The following DUOX1 variants were observed in gnomAD, a reference collection of about 807,000 sequenced individuals.
DUOX1 encodes the protein NADPH thyroid oxidase 1.
DUOX1 carries 134 observed loss-of-function variants against 181.8 expected under a neutral mutation model. The observed-to-expected ratio is 0.74, with a 90% CI of 0.64 to 0.85. The LOEUF is 0.85. DUOX1 is among the 40% of genes least tolerant of loss of function. The pLI is 0.00. For synonymous variants in DUOX1, 798 were observed against 832.5 expected, an observed-to-expected ratio of 0.96 and a Z score of 0.71; for missense variants, 1,814 against 2,064.4, an observed-to-expected ratio of 0.88 and a Z score of 2.35.
intron 16 of DUOX1, 71 bp downstream of exon 16, chr15:45,143,374 C>A: frequency 1.6e-6 from 2 of 1,273,844 alleles, no homozygotes; most frequent in Non-Finnish European, 1.1e-6. Context: ...CACCTCCACC[C>A]CAGCAGCCTA....
chr15:45,158,037 C>G (rs1897006477), intron 28 of DUOX1, among the ~76,000 whole-genome samples: 1 of 152,080 alleles, frequency 6.6e-6, no homozygotes, highest in Non-Finnish European at 1.5e-5. Flanking sequence ...GAAGGATGGC[C>G]AGGCTTCTGA....
chr15:45,135,718 A>T (rs1468331229), intron 6 of DUOX1, 43 bp downstream of exon 6: 2 of 1,437,414 alleles, frequency 1.4e-6, no homozygotes, highest in Admixed American at 5.4e-5. Context: ...GGGGTCTGCG[A>T]GTGTGGGCTC....
Position 45,143,270 on chromosome 15 carries a change from A to G in DUOX1, c.1903A>G (p.Ile635Val), listed in dbSNP as rs759529164. The change falls in exon 16 of 34, where the codon ATC (isoleucine) becomes GTC (valine). Residue 635 changes from isoleucine (I) to valine (V), a missense_variant. Coordinates refer to ENST00000389037, the MANE Select transcript of DUOX1 (RefSeq NM_175940.3). ...KRLQGQDRQS[I>V]VSEKLVGGME... is the part of the protein sequence containing the mutation. ...GCTCCAGGGCCAGGACCGCCAGAGC[A>G]TCGTGTCTGAGAAGCTCGTGGGAGG... 3.3e-5 allele frequency: 54 copies of G among 1,613,996 alleles called. No homozygotes were observed. Among genetic ancestry groups the G allele is most frequent in the Non-Finnish European group, 4.2e-5 (50 of 1,180,020 alleles).
chr15:45,150,015 G>C (rs1896762040), intron 21 of DUOX1, among the ~76,000 whole-genome samples: 1 of 152,132 alleles, frequency 6.6e-6, no homozygotes, highest in South Asian at 2.1e-4. Context: ...CTCAACTATA[G>C]ACCAGGGTCA....
In DUOX1 at chr15:45,160,914, T is replaced by C. The variant is rs763194266; in HGVS notation, c.3780T>C (p.Tyr1260=). ...TCTTCCTGGTCCCAGCAATCATCTA[T>C]GGGGGCGACAAGCTGGTGAGCCTGA... ...HIFFLVPAII[Y]GGDKLVSLSR... Residue 1260 remains tyrosine, a synonymous_variant, in exon 29 of 34, where the codon TAT becomes TAC. Coordinates refer to ENST00000389037, the MANE Select transcript of DUOX1 (RefSeq NM_175940.3). 1.9e-6 allele frequency: 3 copies of C among 1,614,000 alleles called. No homozygotes were observed. The highest frequency in any genetic ancestry group is 1.7e-6 in the Non-Finnish European group (2 of 1,179,936).
chr15:45,153,891 A>C (rs1377356763), intron 26 of DUOX1, 60 bp from the exon 27 acceptor site: 129 of 1,494,206 alleles, frequency 8.6e-5, no homozygotes, highest in Non-Finnish European at 1.1e-4. Context: ...TGCCTCAAAA[A>C]AAAAAAAAAG....
chr15:45,150,991 G>A (rs1385804630), intron 22 of DUOX1, 132 bp from the exon 23 acceptor site: 13 of 1,306,650 alleles, frequency 9.9e-6, no homozygotes, highest in African/African-American at 4.4e-5. Context: ...AGGTGACTGT[G>A]GGAATCCTGC....
chr15:45,136,436 G>C, intron 8 of DUOX1, 26 bp downstream of exon 8: 1 of 1,614,034 alleles, frequency 6.2e-7, no homozygotes. Flanking sequence ...AGGAGGATGG[G>C]AGGGCTTGCG....
chr15:45,153,605 T>C, intron 26 of DUOX1, 126 bp downstream of exon 26: 1 of 1,041,172 alleles, frequency 9.6e-7, no homozygotes, highest in Non-Finnish European at 1.5e-6. Flanking sequence ...GAGGAGACTG[T>C]CACCTTCTAG....
At chr15:45,150,133 A>G (rs775580795) in intron 21 of DUOX1, among the ~76,000 whole-genome samples, 2 of 152,224 alleles carry the variant, frequency 1.3e-5, no homozygotes, top group Non-Finnish European at 2.9e-5. Flanking sequence ...CTCAGCCTAG[A>G]CAGGAACAAT....
intron 25 of DUOX1, chr15:45,152,949 G>A (rs922649340): frequency 1.3e-5 from 4 of 314,428 alleles, no homozygotes; most frequent in East Asian, 8.3e-5. Flanking sequence ...AGGCCGGCGC[G>A]GCGGCTTATG....
chr15:45,164,255 CT>C (rs1245559245), intron 33 of DUOX1, among the ~76,000 whole-genome samples: 1 of 152,202 alleles, frequency 6.6e-6, no homozygotes, highest in Admixed American at 6.5e-5. Context: ...CTGAGGGAAC[CT>C]TTACCATGAG....
intron 27 of DUOX1, chr15:45,155,456 C>T (rs1896947310): frequency 8.3e-6 from 2 of 240,804 alleles, no homozygotes; most frequent in Non-Finnish European, 8.1e-6. Context: ...GTTCCAGCTA[C>T]TCAGGAGGCC....
At chr15:45,140,616 C>CA in intron 12 of DUOX1, 1 of 337,246 alleles carries the variant, frequency 3.0e-6, no homozygotes, top group African/African-American at 2.1e-5. Context: ...CTTCAACTTT[C>CA]ATACCTTTTC....
chr15:45,147,547 C>T lies in DUOX1; in HGVS notation c.2437C>T (p.Leu813Phe). 1 of 1,614,098 alleles carries T rather than the reference C, an allele frequency of 6.2e-7. No individual in the cohort carries two copies. The highest frequency in any genetic ancestry group is 1.1e-5 in the South Asian group (1 of 91,044). ...GGCCGAGTTTGCCGAGTCCCTGGGC[C>T]TCAAGCCCCAGGACATGTTTGTGGA... ...SRAEFAESLG[L>F]KPQDMFVESM... Residue 813 changes from leucine to phenylalanine, a missense_variant, in exon 19 of 34, where the codon CTC becomes TTC. Physicochemically the swap from Leu to Phe is conservative, Grantham distance 22 (BLOSUM62 0). Coordinates refer to ENST00000389037, the MANE Select transcript of DUOX1 (RefSeq NM_175940.3).
At position 45,162,322 on chromosome 15, in the gene DUOX1, T is replaced by A; in HGVS notation, c.4193T>A (p.Ile1398Asn). 1 of 1,614,108 alleles carries A rather than the reference T, an allele frequency of 6.2e-7. No homozygotes were observed. Among genetic ancestry groups the A allele is most frequent in the Non-Finnish European group, 8.5e-7 (1 of 1,180,002 alleles). ...ATTGGGGTCACCCCTTTTGCCTCCA[T>A]CCTCAAAGACCTGGTCTTCAAGTCA... ...GGIGVTPFAS[I>N]LKDLVFKSSV... Residue 1398 changes from isoleucine to asparagine, a missense_variant, in exon 31 of 34, where the codon ATC becomes AAC. Ile to Asn is a moderately radical substitution (Grantham distance 149, BLOSUM62 -3). Coordinates refer to ENST00000389037, the MANE Select transcript of DUOX1 (RefSeq NM_175940.3).
rs1157906924 is a variant in DUOX1, at chr15:45,143,193, G to A, written c.1826G>A (p.Ser609Asn). 1 of 1,613,978 alleles carries A rather than the reference G, an allele frequency of 6.2e-7. No homozygotes were observed. The highest frequency in any genetic ancestry group is 8.5e-7 in the Non-Finnish European group (1 of 1,179,926). Residue 609 changes from serine (S) to asparagine (N), a missense_variant, in exon 16 of 34, where the codon AGC becomes AAC. Physicochemically the swap from Ser to Asn is conservative, Grantham distance 46 (BLOSUM62 1). Coordinates refer to ENST00000389037, the MANE Select transcript of DUOX1 (RefSeq NM_175940.3). ...IGTLCCFPLV[S>N]LLSAWIVARL... Reference sequence around the variant, plus strand: ...ACCTCTGCCTCTGCCCTCCCAGTGAGCCTGCTCAGTGCCTGGATTGTTGCC... The same window carrying A: ...ACCTCTGCCTCTGCCCTCCCAGTGAACCTGCTCAGTGCCTGGATTGTTGCC...
In DUOX1 at chr15:45,161,598, C is replaced by G. The variant is rs1272005431; in HGVS notation, c.3857-140C>G. 29 of 759,152 alleles carry G rather than the reference C, an allele frequency of 3.8e-5. No homozygotes were observed. In the African/African-American group the frequency reaches 5.0e-4, roughly 13 times the overall value. 47.0% of individuals were successfully genotyped at this position (759,152 alleles called of 1,614,324 possible). A position where few individuals can be genotyped will look rare whatever the true frequency, so the allele number is the denominator to read the frequency against. ...TCAGCCCCAGTGCTGCCTGGGCCCC[C>G]ACAGGGTGAGCTTCTGATGGGGGAG... On this transcript the variant is annotated intron_variant, in intron 29 of 33. Transcript: ENST00000389037.
chr15:45,142,789 G>GGAACGAAGGAAGGAAGGA (rs1480496555), intron 15 of DUOX1, among the ~76,000 whole-genome samples: 1 of 139,762 alleles, frequency 7.2e-6, no homozygotes, highest in Admixed American at 7.4e-5. Flanking sequence ...GGAAGGAAGG[G>GGAACGAAGGAAGGAAGGA]AGGGAGGAAG....
Sources: gnomAD v4.1 joint callset for allele counts (sites outside exome capture counted in the v4.1 genomes callset) on GRCh38, gnomAD v4.1.1 for gene constraint, MANE v1.5 for transcripts, NCBI Gene and HGNC (gene_info 2026-07-23, HGNC 2026-07-21) for gene names.